The following ADD3 variants were observed in gnomAD, a reference collection of about 807,000 sequenced individuals.
ADD3 encodes gamma-adducin.
In ADD3, 25 loss-of-function variants were observed where a neutral mutation model predicts 80.2. The observed-to-expected ratio is 0.31, with a 90% CI of 0.23 to 0.44. ADD3 has a LOEUF of 0.44. Among genes scored for constraint, ADD3 ranks in the 20% least tolerant of loss-of-function variants. The pLI is 1.00. For missense variants in ADD3, 829 were observed against 847.5 expected (o/e 0.98, Z 0.27); for synonymous variants, 284 against 289.6 (o/e 0.98, Z 0.20).
rs1233392441 is a variant in ADD3 at position 110,125,954 on chromosome 10, T to A, written c.1521+9T>A. 6.3e-7 allele frequency: 1 copy of A among 1,596,644 alleles called. No homozygotes were observed. The highest frequency in any genetic ancestry group is 8.6e-7 in the Non-Finnish European group (1 of 1,168,840). On this transcript the variant is annotated intron_variant, in intron 11 of 14. Coordinates refer to ENST00000356080, the MANE Select transcript of ADD3 (RefSeq NM_016824.5). ...TAGAAAAGAGAAATAAGGTAAGACA[T>A]GGTCTTCTATAGCCAGGGGAGACAT...
chr10:110,074,134 T>C (rs1294653434), intron 1 of ADD3, among the ~76,000 whole-genome samples: 1 of 152,218 alleles, frequency 6.6e-6, no homozygotes, highest in Admixed American at 6.5e-5. Flanking sequence ...CCCAACCCGA[T>C]ATATCCTTGA....
At chr10:110,108,698 G>A (rs1455606122) in intron 2 of ADD3, among the ~76,000 whole-genome samples, 2 of 151,946 alleles carry the variant, frequency 1.3e-5, no homozygotes, top group Non-Finnish European at 2.9e-5. Context: ...TACACTTACT[G>A]TTTTATGACT....
intron 1 of ADD3, among the ~76,000 whole-genome samples, chr10:110,089,894 C>T (rs1421099610): frequency 6.6e-6 from 1 of 152,096 alleles, no homozygotes; most frequent in African/African-American, 2.4e-5. Flanking sequence ...AACCCTGCCC[C>T]TTGTATGGCC....
At chr10:110,120,191 A>G (rs1402812382) in intron 8 of ADD3, among the ~76,000 whole-genome samples, 1 of 148,834 alleles carries the variant, frequency 6.7e-6, no homozygotes, top group African/African-American at 2.5e-5. Context: ...GTCATCTAGC[A>G]TTAGGTATAT....
At position 110,015,011 on chromosome 10, in the gene ADD3, T is replaced by G. The variant is rs544943424; in HGVS notation, c.-30+6712T>G. Among the ~76,000 whole-genome samples the G allele has an allele frequency of 5.3e-5, 8 of 152,002 alleles. No individual in the cohort carries two copies. The East Asian group carries it at 1.6e-3, about 30-fold the overall frequency. On this transcript the variant is annotated intron_variant, in intron 1 of 14. Coordinates refer to ENST00000356080, the MANE Select transcript of ADD3 (RefSeq NM_016824.5). ...GCCTCAGCTTCCCGAGTAGCTGGGT[T>G]TACAGGCATGGGCCACCACGCCTGG...
At chr10:109,999,420 T>C (rs1212098826) in intron 1 of ADD3, among the ~76,000 whole-genome samples, 1 of 152,190 alleles carries the variant, frequency 6.6e-6, no homozygotes, top group African/African-American at 2.4e-5. Flanking sequence ...CCCATTAAAG[T>C]TCTGCTCTTC....
At chr10:110,124,321 A>G (rs375701772) in intron 10 of ADD3, 47 bp downstream of exon 10, 3 of 1,587,648 alleles carry the variant, frequency 1.9e-6, no homozygotes, top group African/African-American at 2.7e-5. Context: ...TATTTTGCCT[A>G]GTTACTCAAG....
chr10:110,012,569 A>G (rs1852453216), intron 1 of ADD3, among the ~76,000 whole-genome samples: 1 of 152,230 alleles, frequency 6.6e-6, no homozygotes, highest in Non-Finnish European at 1.5e-5. Context: ...AGAGTTGTCT[A>G]GCATAATCCA....
chr10:110,000,997 T>C (rs1021749957), upstream of ADD3, among the ~76,000 whole-genome samples: 3 of 152,124 alleles, frequency 2.0e-5, no homozygotes, highest in Admixed American at 2.0e-4. Context: ...AAACTCATTT[T>C]TGAACACAGA....
intron 1 of ADD3, among the ~76,000 whole-genome samples, chr10:110,037,604 C>CAAA (rs998064830): frequency 3.9e-5 from 2 of 51,094 alleles, no homozygotes; most frequent in Non-Finnish European, 8.4e-5. Flanking sequence ...GACTCAGTCT[C>CAAA]AAAAAAAAAA....
chr10:110,081,303 C>T (rs1416967446), intron 1 of ADD3, among the ~76,000 whole-genome samples: 2 of 152,130 alleles, frequency 1.3e-5, no homozygotes, highest in African/African-American at 4.8e-5. Context: ...GACCTTCTAG[C>T]AGCCAAGCAC....
chr10:110,108,876 AATT>A (rs1232432904), intron 2 of ADD3, among the ~76,000 whole-genome samples: 1 of 152,156 alleles, frequency 6.6e-6, no homozygotes, highest in Non-Finnish European at 1.5e-5. Flanking sequence ...TTTGAAAAAA[AATT>A]TTTTTTATAC....
At chr10:110,073,930 TC>T (rs1395256013) in intron 1 of ADD3, among the ~76,000 whole-genome samples, 6 of 151,790 alleles carry the variant, frequency 4.0e-5, no homozygotes, top group Non-Finnish European at 8.8e-5. Flanking sequence ...TTTTTTTTTT[TC>T]CTTAGCCAGT....
chr10:110,092,200 C>T (rs1402928521), intron 1 of ADD3, among the ~76,000 whole-genome samples: 1 of 152,182 alleles, frequency 6.6e-6, no homozygotes, highest in Non-Finnish European at 1.5e-5. Flanking sequence ...TTCAACCCAG[C>T]AATCCCATTT....
At chr10:110,038,069 CA>C (rs754609555) in intron 1 of ADD3, among the ~76,000 whole-genome samples, 4,625 of 44,110 alleles carry the variant, frequency 0.1, 137 homozygotes, top group African/African-American at 0.26. Flanking sequence ...AACTCCGTCT[CA>C]AAAAAAAAAA....
At chr10:110,051,435 T>G (rs1221194536) in intron 1 of ADD3, among the ~76,000 whole-genome samples, 3 of 152,220 alleles carry the variant, frequency 2.0e-5, no homozygotes, top group African/African-American at 4.8e-5. Context: ...AATACAAAAT[T>G]TATATAAATA....
At chr10:110,033,772 A>G (rs190602016) in intron 1 of ADD3, among the ~76,000 whole-genome samples, 40 of 152,334 alleles carry the variant, frequency 2.6e-4, no homozygotes, top group African/African-American at 7.7e-4. Context: ...TCATTGTGCT[A>G]TACTCAGCTG....
chr10:110,130,610 C>T (rs777960498), intron 13 of ADD3, 124 bp downstream of exon 13: 20 of 1,020,950 alleles, frequency 2.0e-5, no homozygotes, highest in African/African-American at 4.9e-5. Context: ...AATCCCAGCA[C>T]TTTGGGAGAC....
At chr10:110,070,117 T>G (rs979036615) in intron 1 of ADD3, among the ~76,000 whole-genome samples, 4 of 152,200 alleles carry the variant, frequency 2.6e-5, no homozygotes, top group African/African-American at 9.7e-5. Flanking sequence ...TCATTCCTTT[T>G]AGACCAAGCT....
Sources: gnomAD v4.1 joint callset for allele counts (sites outside exome capture counted in the v4.1 genomes callset) on GRCh38, gnomAD v4.1.1 for gene constraint, MANE v1.5 for transcripts, NCBI Gene and HGNC (gene_info 2026-07-23, HGNC 2026-07-21) for gene names.